Variants in TM4SF19 observed in about 807,000 individuals in gnomAD.
TM4SF19 encodes transmembrane 4 L six family member 19.
Under a neutral mutation model 21.8 loss-of-function variants are expected in TM4SF19, and 17 were observed. That is an observed-to-expected ratio of 0.78 (90% CI 0.53 to 1.17). TM4SF19 has a LOEUF of 1.17. Among genes scored for constraint, TM4SF19 ranks in the 50% most tolerant of loss-of-function variants. The probability of loss-of-function intolerance (pLI) is 0.00; values close to 1 mark genes in which losing one functional copy is unlikely to be tolerated. For synonymous variants in TM4SF19, 107 were observed against 106.7 expected, an observed-to-expected ratio of 1.00 and a Z score of -0.02; for missense variants, 216 against 252.1, an observed-to-expected ratio of 0.86 and a Z score of 0.97.
Position 196,323,943 on chromosome 3 carries a change from T to G in TM4SF19, c.504A>C (p.Ala168=), listed in dbSNP as rs748453034. 2.8e-5 allele frequency: 45 copies of G among 1,613,994 alleles called. No individual in the cohort carries two copies. Among genetic ancestry groups the G allele is most frequent in the Non-Finnish European group, 3.6e-5 (43 of 1,179,986 alleles). Residue 168 remains alanine, a synonymous_variant, in exon 5 of 5, where the codon GCA becomes GCC. Coordinates refer to ENST00000273695, the MANE Select transcript of TM4SF19 (RefSeq NM_138461.4). The part of the protein sequence containing the change: ...LWNSVCLEPS[A]AVVWHVSLFS... ...AGAGGGACACGTGCCAGACAACAGC[T>G]GCAGAGGGCTCCAGGCAGACGGAGT... is the stretch of plus-strand genomic sequence containing the variant.
intron 1 of TM4SF19, among the ~76,000 whole-genome samples, chr3:196,331,992 C>T (rs114004426): frequency 0.026 from 3,898 of 151,840 alleles, 177 homozygotes; most frequent in African/African-American, 0.089. Flanking sequence ...GTATAGAGGC[C>T]AGGCACGGTG....
At chr3:196,328,647 A>G (rs1164500996) in intron 1 of TM4SF19, among the ~76,000 whole-genome samples, 1 of 152,244 alleles carries the variant, frequency 6.6e-6, no homozygotes, top group Non-Finnish European at 1.5e-5. Context: ...GACTCAAAAT[A>G]GTTAACATGT....
rs371258533 is a variant in TM4SF19, at chr3:196,325,199, TTC to T, written c.280-761_280-760del. The T allele has an allele frequency of 1.4e-4, 21 of 151,888 alleles. No homozygotes were observed. The highest frequency in any genetic ancestry group is 2.5e-4 in the Non-Finnish European group (17 of 68,008). 9.4% of individuals were successfully genotyped at this position (151,888 alleles called of 1,614,324 possible). ...TTCCTTCCTTCCCTTCCTTCCTTCTTTCTCTCTCTCTCTTTCTTTTTGAGACA... is the reference window on the plus strand; with the variant it reads ...TTCCTTCCTTCCCTTCCTTCCTTCTTTCTCTCTCTCTTTCTTTTTGAGACA... On this transcript the variant is annotated intron_variant, in intron 3 of 4. Transcript: ENST00000273695. The surrounding 1 kb of genome is among the most constrained non-coding windows in gnomAD (Gnocchi z 4.3).
At position 196,332,848 on chromosome 3, in the gene TM4SF19, ATTTT is replaced by A. The variant is rs544134464; in HGVS notation, c.-1-5261_-1-5258del. On this transcript the variant is annotated intron_variant, in intron 1 of 4. Transcript: ENST00000273695. ...CTGACTCACAATGGTTCAACTTACA[ATTTT>A]TTTTTTTTTTTTTTTTTTGAGACAG... Among the ~76,000 whole-genome samples the A allele has an allele frequency of 9.1e-5, 11 of 120,856 alleles. No homozygotes were observed. The East Asian group carries it at 1.8e-3, about 19-fold the overall frequency. 79.3% of individuals were successfully genotyped at this position (120,856 alleles called of 152,430 possible).
At chr3:196,336,199 C>G (rs1183359047) in intron 1 of TM4SF19, among the ~76,000 whole-genome samples, 1 of 151,682 alleles carries the variant, frequency 6.6e-6, no homozygotes, top group Non-Finnish European at 1.5e-5. Context: ...AGTGCAATGG[C>G]GCGGCCTCAG....
At chr3:196,335,943 C>T (rs529349870) in intron 1 of TM4SF19, among the ~76,000 whole-genome samples, 2 of 152,152 alleles carry the variant, frequency 1.3e-5, no homozygotes, top group African/African-American at 4.8e-5. Flanking sequence ...GTGTGGTTGG[C>T]CTTTCAAGCG....
In TM4SF19 at chr3:196,327,566, C is replaced by T. The variant is rs769210625; in HGVS notation, c.25G>A (p.Ala9Thr). MVSSPCTQASSRTCSRILG... is the reference protein window; with the variant it reads MVSSPCTQTSSRTCSRILG... ...ATACGGGAGCAAGTCCGTGAGCTTG[C>T]CTGCGTGCAGGGAGAGGACACCATC... is the stretch of plus-strand genomic sequence containing the variant. The change falls in exon 2 of 5, where the codon GCA (alanine) becomes ACA (threonine). Residue 9 changes from alanine (A) to threonine (T), a missense_variant. Transcript: ENST00000273695. 8 of 1,613,572 alleles carry T rather than the reference C, an allele frequency of 5.0e-6. No homozygotes were observed. In the East Asian group the frequency reaches 1.6e-4, roughly 31 times the overall value.
In TM4SF19 at chr3:196,325,490, G is replaced by A. The variant is rs146372503; in HGVS notation, c.280-1050C>T. 13,904 of 152,200 alleles carry A rather than the reference G, an allele frequency of 0.091. 671 individuals are homozygous for A. The highest frequency in any genetic ancestry group is 0.16 in the Middle Eastern group (47 of 296). 9.4% of individuals were successfully genotyped at this position (152,200 alleles called of 1,614,324 possible). Reference sequence around the variant, plus strand: ...GCTGGGATTACAGGCATGAGCCACCGTGCCCGGCCCATATTGGATTCTTTC... The same window carrying A: ...GCTGGGATTACAGGCATGAGCCACCATGCCCGGCCCATATTGGATTCTTTC... On this transcript the variant is annotated intron_variant, in intron 3 of 4. Coordinates refer to ENST00000273695, the MANE Select transcript of TM4SF19 (RefSeq NM_138461.4). The surrounding 1 kb of genome is among the most constrained non-coding windows in gnomAD (Gnocchi z 4.3).
At chr3:196,330,446 T>C (rs765633367) in intron 1 of TM4SF19, among the ~76,000 whole-genome samples, 10 of 152,188 alleles carry the variant, frequency 6.6e-5, no homozygotes, top group Admixed American at 1.3e-4. Flanking sequence ...ATTAAAAAAT[T>C]TGTGATTACT....
In TM4SF19 at chr3:196,334,047, C is replaced by G. The variant is rs1182292320; in HGVS notation, c.-2+4217G>C. 3.3e-5 allele frequency among the ~76,000 whole-genome samples: 5 copies of G among 150,904 alleles called. No individual in the cohort carries two copies. The East Asian group carries it at 7.8e-4, about 23-fold the overall frequency. ...CTGCACTCCAGCCTGGACCACAGAT[C>G]GAGACTCCGTCTCAAAAAAAAAAAA... is the stretch of plus-strand genomic sequence containing the variant. On this transcript the variant is annotated intron_variant, in intron 1 of 4. Coordinates refer to ENST00000273695, the MANE Select transcript of TM4SF19 (RefSeq NM_138461.4).
chr3:196,326,389 AGTGTGTGTGTGT>A (rs10604679), intron 3 of TM4SF19, among the ~76,000 whole-genome samples: 1 of 150,274 alleles, frequency 6.7e-6, no homozygotes, highest in South Asian at 2.1e-4. Context: ...TCTGAGAACG[AGTGTGTGTGTGT>A]GTGTGTGTGT....
rs929282968 is a variant in TM4SF19, at chr3:196,332,875, C to A, written c.-1-5284G>T. Among the ~76,000 whole-genome samples, 20 of 106,768 alleles carry A rather than the reference C, an allele frequency of 1.9e-4. No homozygotes were observed. The Middle Eastern group carries it at 0.022, about 118-fold the overall frequency. 70.0% of individuals were successfully genotyped at this position (106,768 alleles called of 152,430 possible). ...TTTTTTTTTTTTTTTTTTTTTGAGA[C>A]AGGGTCTTGCTCTGTCACCCAGGCT... On this transcript the variant is annotated intron_variant, in intron 1 of 4. Transcript: ENST00000273695.
chr3:196,324,114 G>T, intron 4 of TM4SF19, 117 bp from the exon 5 acceptor site: 1 of 1,442,088 alleles, frequency 6.9e-7, no homozygotes, highest in East Asian at 2.4e-5. Context: ...GGCTCATGAG[G>T]GTGACCGTTA....
chr3:196,324,256 C>T lies in TM4SF19; in HGVS notation c.449+15G>A. 6.2e-7 allele frequency: 1 copy of T among 1,613,066 alleles called. No homozygotes were observed. The highest frequency in any genetic ancestry group is 8.5e-7 in the Non-Finnish European group (1 of 1,179,452). On this transcript the variant is annotated intron_variant, in intron 4 of 4. Transcript: ENST00000273695. ...TCTGTCTGAAAAGACCAAGCCCAAGCCTCCACCCATTTACCTACTATGCAG... is the reference window on the plus strand; with the variant it reads ...TCTGTCTGAAAAGACCAAGCCCAAGTCTCCACCCATTTACCTACTATGCAG...
chr3:196,332,764 TA>T (rs1269312505), intron 1 of TM4SF19, among the ~76,000 whole-genome samples: 1 of 151,876 alleles, frequency 6.6e-6, no homozygotes, highest in Non-Finnish European at 1.5e-5. Flanking sequence ...AAACCCGTTG[TA>T]AGTCAAAATA....
intron 1 of TM4SF19, among the ~76,000 whole-genome samples, chr3:196,335,823 C>A (rs1301377670): frequency 6.6e-6 from 1 of 151,964 alleles, no homozygotes; most frequent in Non-Finnish European, 1.5e-5. Flanking sequence ...GCGGGGCTTG[C>A]AGTGTGTAAT....
At chr3:196,328,411 A>C (rs1414373165) in intron 1 of TM4SF19, among the ~76,000 whole-genome samples, 2 of 152,220 alleles carry the variant, frequency 1.3e-5, no homozygotes, top group Admixed American at 1.3e-4. Context: ...GTCATAGAAT[A>C]AAAGATTAAT....
intron 1 of TM4SF19, among the ~76,000 whole-genome samples, chr3:196,332,477 AGGAAGG>A (rs989804979): frequency 1.3e-4 from 19 of 148,752 alleles, no homozygotes; most frequent in East Asian, 3.9e-4. Context: ...GGAAGGAAAG[AGGAAGG>A]GGAAGGGGAA....
At chr3:196,329,796 G>T (rs1246242042) in intron 1 of TM4SF19, among the ~76,000 whole-genome samples, 2 of 125,766 alleles carry the variant, frequency 1.6e-5, no homozygotes, top group African/African-American at 5.3e-5. Flanking sequence ...AGGTTATCAG[G>T]GACTGTGGGG....
Sources: gnomAD v4.1 joint callset for allele counts (sites outside exome capture counted in the v4.1 genomes callset) on GRCh38, gnomAD v4.1.1 for gene constraint, Gnocchi (gnomAD v3.1) non-coding constraint, MANE v1.5 for transcripts, NCBI Gene and HGNC (gene_info 2026-07-23, HGNC 2026-07-21) for gene names.